JCAD: variants seen among roughly 807,000 people sequenced by gnomAD.
JCAD encodes the protein junctional cadherin 5-associated protein.
JCAD carries 40 observed loss-of-function variants against 98.0 expected under a neutral mutation model. The observed-to-expected ratio is 0.41, with a 90% CI of 0.32 to 0.53. The LOEUF (loss-of-function observed/expected upper bound fraction) is 0.53, where lower values mean the gene tolerates loss of function less well. JCAD is among the 20% of genes least tolerant of loss of function. JCAD has a pLI of 0.31. For missense variants in JCAD, 1,705 were observed against 1,738.1 expected, an observed-to-expected ratio of 0.98 and a Z score of 0.34; for synonymous variants, 691 against 682.3, an observed-to-expected ratio of 1.01 and a Z score of -0.20.
At chr10:30,031,826 C>T (rs1236505526) in intron 2 of JCAD, among the ~76,000 whole-genome samples, 1 of 138,278 alleles carries the variant, frequency 7.2e-6, no homozygotes, top group East Asian at 2.1e-4. Flanking sequence ...GGGATCTCGG[C>T]TCACTGCAAG....
intron 2 of JCAD, among the ~76,000 whole-genome samples, chr10:30,068,351 A>G (rs989104779): frequency 1.4e-5 from 2 of 138,748 alleles, no homozygotes; most frequent in South Asian, 4.5e-4. Context: ...AGATTGTGCC[A>G]CTTCACTCCA....
At position 30,028,177 on chromosome 10, in the gene JCAD, T is replaced by G; in HGVS notation, c.1971A>C (p.Glu657Asp). The G allele has an allele frequency of 6.2e-7, 1 of 1,614,206 alleles. No individual in the cohort carries two copies. The highest frequency in any genetic ancestry group is 8.5e-7 in the Non-Finnish European group (1 of 1,180,038). The change falls in exon 3 of 4, where the codon GAA (glutamate) becomes GAC (aspartate). Residue 657 changes from glutamate to aspartate, a missense_variant. Transcript: ENST00000375377. Reference protein sequence around the residue: ...FQKQDLGEPEEDRQTNDLSFI... With the variant: ...FQKQDLGEPEDDRQTNDLSFI... The stretch of plus-strand genomic sequence containing the variant: ...AACTGAGGTCATTTGTTTGTCTGTC[T>G]TCTTCTGGTTCCCCTAGATCTTGTT...
chr10:30,013,469 A>T lies in JCAD; in HGVS notation c.*4414T>A, dbSNP rs533883777. ...TGGAGAGTACTTCATTGATTTTTAT[A>T]ATCTGGAAATGACTGCTTTTCCCCT... On this transcript the variant is annotated 3_prime_UTR_variant, in exon 4 of 4. Coordinates refer to ENST00000375377, the MANE Select transcript of JCAD (RefSeq NM_020848.4). 1.6e-4 allele frequency: 24 copies of T among 152,046 alleles called. No individual in the cohort carries two copies. The highest frequency in any genetic ancestry group is 1.6e-3 in the Admixed American group (24 of 15,268). The allele number at this position is 152,046 out of a possible 1,614,324, so 9.4% of individuals were successfully genotyped here. A position where few individuals can be genotyped will look rare whatever the true frequency, so the allele number is the denominator to read the frequency against.
At chr10:30,086,623 C>G (rs1165711004) in intron 1 of JCAD, among the ~76,000 whole-genome samples, 5 of 152,176 alleles carry the variant, frequency 3.3e-5, no homozygotes, top group Non-Finnish European at 7.4e-5. Flanking sequence ...TTGTTCAATG[C>G]TTTGTTCCAA....
At chr10:30,046,313 T>C (rs1201883887) in intron 2 of JCAD, among the ~76,000 whole-genome samples, 1 of 152,124 alleles carries the variant, frequency 6.6e-6, no homozygotes, top group Non-Finnish European at 1.5e-5. Flanking sequence ...CGAAATTCTC[T>C]CCTTTTTTAC....
intron 2 of JCAD, among the ~76,000 whole-genome samples, chr10:30,065,684 G>A (rs568595937): frequency 6.6e-6 from 1 of 152,092 alleles, no homozygotes; most frequent in Admixed American, 6.6e-5. Flanking sequence ...TATCTTCTGC[G>A]GAGACGGGCT....
intron 1 of JCAD, among the ~76,000 whole-genome samples, chr10:30,099,759 G>A (rs906216236): frequency 1.3e-5 from 2 of 152,056 alleles, no homozygotes; most frequent in Non-Finnish European, 2.9e-5. Flanking sequence ...CAATATGTCA[G>A]TATATGTTCA....
At chr10:30,051,284 G>GCACACACACACA (rs58845322) in intron 1 of JCAD, among the ~76,000 whole-genome samples, 89 of 146,762 alleles carry the variant, frequency 6.1e-4, no homozygotes, top group African/African-American at 5.7e-4. Flanking sequence ...ACACACGCAC[G>GCACACACACACA]CACACACACA....
intron 2 of JCAD, among the ~76,000 whole-genome samples, chr10:30,033,748 G>A (rs1395796323): frequency 6.6e-6 from 1 of 152,230 alleles, no homozygotes; most frequent in Non-Finnish European, 1.5e-5. Context: ...CCAGTTCTAT[G>A]CAGCAACAGT....
At chr10:30,020,326 C>CAAAAA (rs59762991) in intron 3 of JCAD, among the ~76,000 whole-genome samples, 213 of 82,698 alleles carry the variant, frequency 2.6e-3, no homozygotes, top group Middle Eastern at 0.013. Flanking sequence ...GACTCGGTCT[C>CAAAAA]AAAAAAAAAA....
intron 1 of JCAD, among the ~76,000 whole-genome samples, chr10:30,092,047 AAAAAAAAAAAAAAAAAAATAT>A (rs1184567289): frequency 3.8e-4 from 15 of 39,676 alleles, no homozygotes; most frequent in African/African-American, 2.6e-3. Context: ...AAAAAAAAAA[AAAAAAAAAAAAAAAAAAATAT>A]ATATATATAT....
At chr10:30,060,697 T>C (rs79587385), upstream of JCAD, among the ~76,000 whole-genome samples, 1,279 of 152,304 alleles carry the variant, frequency 8.4e-3, 7 homozygotes, top group Middle Eastern at 0.017. Context: ...CTTTTTTTGC[T>C]CTATTACCAC....
intron 1 of JCAD, among the ~76,000 whole-genome samples, chr10:30,092,098 T>TTAAATATATAGATA (rs11268260): frequency 4.5e-5 from 2 of 44,598 alleles, no homozygotes; most frequent in Admixed American, 9.1e-4. Context: ...TAAAGTTACT[T>TTAAATATATAGATA]TATATATATA....
intron 1 of JCAD, among the ~76,000 whole-genome samples, chr10:30,082,999 A>C (rs1345190008): frequency 2.0e-5 from 3 of 151,996 alleles, no homozygotes; most frequent in African/African-American, 7.2e-5. Context: ...GCACCACTGC[A>C]CTCCAGCCTG....
chr10:30,073,939 T>C (rs1045588335), intron 1 of JCAD, among the ~76,000 whole-genome samples: 1 of 152,154 alleles, frequency 6.6e-6, no homozygotes, highest in Non-Finnish European at 1.5e-5. Context: ...GATAACACTT[T>C]AATGAGAAGA....
intron 1 of JCAD, among the ~76,000 whole-genome samples, chr10:30,099,663 A>G (rs1838436646): frequency 6.6e-6 from 1 of 152,170 alleles, no homozygotes; most frequent in Non-Finnish European, 1.5e-5. Flanking sequence ...AATAATCTTT[A>G]TGCCAAATGC....
chr10:30,057,057 A>G (rs1300348639), intron 1 of JCAD, among the ~76,000 whole-genome samples: 2 of 152,246 alleles, frequency 1.3e-5, no homozygotes, highest in Non-Finnish European at 2.9e-5. Flanking sequence ...AACTGCAGTA[A>G]TGGGTTCAGC....
intron 1 of JCAD, among the ~76,000 whole-genome samples, chr10:30,082,865 A>C (rs1415983507): frequency 1.2e-4 from 18 of 149,112 alleles, no homozygotes; most frequent in Non-Finnish European, 2.2e-4. Context: ...AAAAAAAAAA[A>C]AAAAAAAAAA....
chr10:30,070,082 G>A (rs1321092987), intron 1 of JCAD, among the ~76,000 whole-genome samples: 4 of 152,198 alleles, frequency 2.6e-5, no homozygotes, highest in Admixed American at 6.5e-5. Context: ...CAATCAAATC[G>A]TGCAAATAAG....
Sources: allele counts gnomAD v4.1 joint callset (sites outside exome capture counted in the v4.1 genomes callset), GRCh38; gene constraint gnomAD v4.1.1; transcripts MANE v1.5; gene names NCBI Gene and HGNC (gene_info 2026-07-23, HGNC 2026-07-21).